NALF1: variants seen among roughly 807,000 people sequenced by gnomAD.
NALF1 encodes NALCN channel auxiliary factor 1.
Under a neutral mutation model 48.4 loss-of-function variants are expected in NALF1, and 3 were observed. The observed-to-expected ratio is 0.06, with a 90% CI of 0.03 to 0.16. The LOEUF is 0.16. Among genes scored for constraint, NALF1 ranks in the 10% least tolerant of loss-of-function variants. NALF1 has a pLI of 1.00. For synonymous variants in NALF1, 262 were observed against 245.7 expected, an observed-to-expected ratio of 1.07 and a Z score of -0.62; for missense variants, 526 against 571.5, an observed-to-expected ratio of 0.92 and a Z score of 0.81.
At chr13:107,294,019 A>C (rs1183436686) in intron 1 of NALF1, among the ~76,000 whole-genome samples, 2 of 152,208 alleles carry the variant, frequency 1.3e-5, no homozygotes, top group Non-Finnish European at 1.5e-5. Flanking sequence ...CTAGATGCGG[A>C]GAGCACTTGT....
Position 107,613,540 on chromosome 13 carries a change from T to C in NALF1, c.915+252142A>G, listed in dbSNP as rs984041067. ...AAATTAAAGTATAAGTTTTATAAAA[T>C]AGCTCTGTACTTCTAGATTTCAGTC... On this transcript the variant is annotated intron_variant, in intron 1 of 2. Coordinates refer to ENST00000375915, the MANE Select transcript of NALF1 (RefSeq NM_001080396.3). 2.6e-5 allele frequency among the ~76,000 whole-genome samples: 4 copies of C among 152,234 alleles called. 1 individual carries two copies. The highest frequency in any genetic ancestry group is 2.0e-4 in the Admixed American group (3 of 15,286).
At chr13:107,627,069 A>G (rs1350982411) in intron 1 of NALF1, among the ~76,000 whole-genome samples, 2 of 152,138 alleles carry the variant, frequency 1.3e-5, no homozygotes, top group Non-Finnish European at 1.5e-5. Context: ...ATGGCATAGT[A>G]CACTAAAAAT....
At chr13:107,333,758 C>T (rs532562588) in intron 1 of NALF1, among the ~76,000 whole-genome samples, 2 of 152,266 alleles carry the variant, frequency 1.3e-5, no homozygotes, top group South Asian at 2.1e-4. Context: ...AAGTGAAAGT[C>T]GAAGTGAAAG....
intron 1 of NALF1, among the ~76,000 whole-genome samples, chr13:107,564,105 G>A (rs1877720438): frequency 6.6e-6 from 1 of 152,118 alleles, no homozygotes; most frequent in East Asian, 1.9e-4. Flanking sequence ...TGCTTGGAAA[G>A]AAGAAACAAC....
intron 1 of NALF1, among the ~76,000 whole-genome samples, chr13:107,277,248 T>C (rs1323867525): frequency 6.6e-6 from 1 of 152,196 alleles, no homozygotes; most frequent in Non-Finnish European, 1.5e-5. Context: ...AATATCTTAA[T>C]TACTTGTGTC....
intron 1 of NALF1, among the ~76,000 whole-genome samples, chr13:107,451,816 C>T (rs921370065): frequency 4.6e-5 from 7 of 152,178 alleles, no homozygotes; most frequent in Admixed American, 3.9e-4. Flanking sequence ...TTCTGCTCTA[C>T]TAAGACCAGA....
Position 107,281,021 on chromosome 13 carries a change from T to C in NALF1, c.916-70266A>G, listed in dbSNP as rs547097751. 3.7e-3 allele frequency among the ~76,000 whole-genome samples: 570 copies of C among 152,362 alleles called. 3 individuals carry two copies. Among genetic ancestry groups the C allele is most frequent in the African/African-American group, 0.013 (552 of 41,586 alleles). ...TGATGCATGTCTATCTTTTTATATG[T>C]CCATAGCACATGCAAATATAAAGAT... On this transcript the variant is annotated intron_variant, in intron 1 of 2. Transcript: ENST00000375915.
At chr13:107,421,242 T>C (rs1223114722) in intron 1 of NALF1, among the ~76,000 whole-genome samples, 1 of 152,136 alleles carries the variant, frequency 6.6e-6, no homozygotes, top group Non-Finnish European at 1.5e-5. Context: ...TTCATAACCT[T>C]CCAAAGCCCA....
chr13:107,253,493 A>T (rs1382727726), intron 1 of NALF1, among the ~76,000 whole-genome samples: 1 of 152,112 alleles, frequency 6.6e-6, no homozygotes, highest in East Asian at 1.9e-4. Context: ...CCTATGTGCC[A>T]CATTGAGCTG....
At chr13:107,657,276 G>T (rs1880607568) in intron 1 of NALF1, among the ~76,000 whole-genome samples, 2 of 152,128 alleles carry the variant, frequency 1.3e-5, no homozygotes, top group South Asian at 2.1e-4. Context: ...TATAGAGAGA[G>T]AGAGAGTGAA....
At chr13:107,402,456 C>G (rs1021639103) in intron 1 of NALF1, among the ~76,000 whole-genome samples, 4 of 152,132 alleles carry the variant, frequency 2.6e-5, no homozygotes, top group Admixed American at 2.6e-4. Flanking sequence ...GTCTAGGACT[C>G]CTAATCCAGA....
At chr13:107,271,407 C>T (rs1463738143) in intron 1 of NALF1, among the ~76,000 whole-genome samples, 1 of 152,052 alleles carries the variant, frequency 6.6e-6, no homozygotes, top group Non-Finnish European at 1.5e-5. Context: ...GAGGCCTCTG[C>T]AAACTGAGGG....
At chr13:107,565,090 C>A (rs1368283157) in intron 1 of NALF1, among the ~76,000 whole-genome samples, 51 of 97,376 alleles carry the variant, frequency 5.2e-4, no homozygotes, top group South Asian at 1.3e-3. Flanking sequence ...AAAAACCTAG[C>A]ATAAGTAAAA....
intron 1 of NALF1, among the ~76,000 whole-genome samples, chr13:107,373,739 T>C (rs996587421): frequency 1.3e-5 from 2 of 152,186 alleles, no homozygotes; most frequent in Admixed American, 1.3e-4. Context: ...TTCTTTCCTT[T>C]TTGTTTTCGT....
chr13:107,368,358 C>T (rs1883188320), intron 1 of NALF1, among the ~76,000 whole-genome samples: 1 of 149,984 alleles, frequency 6.7e-6, no homozygotes, highest in Non-Finnish European at 1.5e-5. Context: ...ACTCTGTTGC[C>T]CAGGCTGGAG....
At chr13:107,321,546 T>G (rs760924804) in intron 1 of NALF1, among the ~76,000 whole-genome samples, 1 of 152,134 alleles carries the variant, frequency 6.6e-6, no homozygotes, top group Non-Finnish European at 1.5e-5. Flanking sequence ...ATTAAGATAT[T>G]TGCCATTTTT....
intron 1 of NALF1, among the ~76,000 whole-genome samples, chr13:107,373,162 T>A (rs1325825677): frequency 1.3e-5 from 2 of 152,176 alleles, no homozygotes; most frequent in African/African-American, 4.8e-5. Flanking sequence ...AGCACCTCAC[T>A]AAATGTTGGG....
At chr13:107,575,531 A>G (rs9301233) in intron 1 of NALF1, among the ~76,000 whole-genome samples, 56,169 of 151,978 alleles carry the variant, frequency 0.37, 11,346 homozygotes, top group South Asian at 0.53. Context: ...CTGGCAGCAC[A>G]CTGCCTAGGA....
At chr13:107,510,084 C>T (rs940146116) in intron 1 of NALF1, among the ~76,000 whole-genome samples, 1 of 152,188 alleles carries the variant, frequency 6.6e-6, no homozygotes, top group African/African-American at 2.4e-5. Flanking sequence ...GCTGGGATTA[C>T]AGGTGTGAGC....
Sources: allele counts gnomAD v4.1 joint callset (sites outside exome capture counted in the v4.1 genomes callset), GRCh38; gene constraint gnomAD v4.1.1; transcripts MANE v1.5; gene names NCBI Gene and HGNC (gene_info 2026-07-23, HGNC 2026-07-21).